Variants in SSPN observed in about 807,000 individuals in gnomAD.
SSPN encodes K-ras oncogene-associated protein.
Under a neutral mutation model 19.1 loss-of-function variants are expected in SSPN, and 15 were observed. The ratio of observed to expected loss-of-function variants is 0.78; its 90% CI spans 0.52 to 1.21. The LOEUF is 1.21. SSPN is among the 50% of genes most tolerant of loss of function. The probability of loss-of-function intolerance (pLI) is 0.00; values close to 1 mark genes in which losing one functional copy is unlikely to be tolerated. For missense variants in SSPN, 291 were observed against 314.0 expected, an observed-to-expected ratio of 0.93 and a Z score of 0.55; for synonymous variants, 147 against 140.3, an observed-to-expected ratio of 1.05 and a Z score of -0.34.
At chr12:26,189,406 C>T (rs16930287) in intron 1 of SSPN, among the ~76,000 whole-genome samples, 36,273 of 152,008 alleles carry the variant, frequency 0.24, 5,325 homozygotes, top group African/African-American at 0.42. Flanking sequence ...AGCTGTCTTT[C>T]TCCCACCCTG....
At chr12:26,146,190 C>T (rs1944489214) in intron 1 of SSPN, among the ~76,000 whole-genome samples, 1 of 152,158 alleles carries the variant, frequency 6.6e-6, no homozygotes, top group Non-Finnish European at 1.5e-5. Flanking sequence ...TCACCTTCTC[C>T]AAGTCAGACC....
intron 1 of SSPN, among the ~76,000 whole-genome samples, chr12:26,169,021 G>T (rs1944637836): frequency 8.9e-6 from 1 of 112,524 alleles, no homozygotes. Flanking sequence ...AAGATTATGG[G>T]CCTCATTTTG....
At chr12:26,201,355 G>A (rs1944883356) in intron 1 of SSPN, among the ~76,000 whole-genome samples, 1 of 150,906 alleles carries the variant, frequency 6.6e-6, no homozygotes, top group Non-Finnish European at 1.5e-5. Context: ...TCCAGCCTGG[G>A]CAACAGAGTG....
At chr12:26,138,770 C>A (rs1027317272) in intron 1 of SSPN, among the ~76,000 whole-genome samples, 6 of 151,590 alleles carry the variant, frequency 4.0e-5, no homozygotes, top group Non-Finnish European at 8.8e-5. Flanking sequence ...GCTTATGGTG[C>A]TCAGAATCCG....
At chr12:26,220,247 C>CAAAAAAAAAAAAAAAAAAA (rs58022147) in intron 1 of SSPN, among the ~76,000 whole-genome samples, 1 of 114,480 alleles carries the variant, frequency 8.7e-6, no homozygotes, top group African/African-American at 3.7e-5. Context: ...AAGCTGTAGG[C>CAAAAAAAAAAAAAAAAAAA]AAAAAAAAAA....
intron 1 of SSPN, chr12:26,135,055 A>C (rs557442239): frequency 6.6e-6 from 1 of 152,368 alleles, no homozygotes; most frequent in East Asian, 1.9e-4. Flanking sequence ...TCACTTGCAG[A>C]ACTTTTACTT....
intron 1 of SSPN, among the ~76,000 whole-genome samples, chr12:26,212,012 A>C (rs1243699879): frequency 2.0e-5 from 3 of 152,208 alleles, no homozygotes; most frequent in Admixed American, 2.0e-4. Context: ...TGGTGAATCC[A>C]TTCTCATTTC....
chr12:26,123,215 A>G (rs1388616577), intron 1 of SSPN: 1 of 1,528,848 alleles, frequency 6.5e-7, no homozygotes, highest in Non-Finnish European at 8.8e-7. Flanking sequence ...AGTGGAGGCA[A>G]GAAGAAACAT....
intron 1 of SSPN, among the ~76,000 whole-genome samples, chr12:26,158,688 GC>G (rs1944570098): frequency 6.6e-6 from 1 of 152,250 alleles, no homozygotes; most frequent in Non-Finnish European, 1.5e-5. Flanking sequence ...CAGCTGAGGT[GC>G]CTCAGGGCAG....
intron 1 of SSPN, chr12:26,124,130 C>T: frequency 6.2e-7 from 1 of 1,612,970 alleles, no homozygotes; most frequent in Non-Finnish European, 8.5e-7. Flanking sequence ...TTCATTAATT[C>T]GGTCTCTTCT....
chr12:26,122,896 C>T, intron 1 of SSPN: 1 of 1,550,208 alleles, frequency 6.5e-7, no homozygotes, highest in Non-Finnish European at 8.7e-7. Context: ...TTCTGCCCCG[C>T]GCGCTCCAGG....
At chr12:26,194,454 C>T (rs1249954562), upstream of SSPN, among the ~76,000 whole-genome samples, 1 of 152,194 alleles carries the variant, frequency 6.6e-6, no homozygotes, top group Non-Finnish European at 1.5e-5. Context: ...GCCATGATCA[C>T]GGCTCACTAC....
At chr12:26,197,716 C>G (rs538405481) in intron 1 of SSPN, among the ~76,000 whole-genome samples, 1 of 152,254 alleles carries the variant, frequency 6.6e-6, no homozygotes, top group East Asian at 1.9e-4. Context: ...CTGGAAGCTC[C>G]CTGGGTGTTG....
At chr12:26,207,707 C>CAACA (rs34919829) in intron 1 of SSPN, among the ~76,000 whole-genome samples, 22,727 of 152,078 alleles carry the variant, frequency 0.15, 1,920 homozygotes, top group South Asian at 0.34. Context: ...TAGGAATATA[C>CAACA]AACATTGGCC....
chr12:26,204,527 G>GATGCAAAGA (rs67179511), intron 1 of SSPN, among the ~76,000 whole-genome samples: 94,359 of 151,752 alleles, frequency 0.62, 29,710 homozygotes, highest in Admixed American at 0.71. Context: ...TGATGCAAAG[G>GATGCAAAGA]TGGCTGGCTG....
chr12:26,125,124 G>T, intron 1 of SSPN: 4 of 420,956 alleles, frequency 9.5e-6, no homozygotes, highest in South Asian at 9.2e-5. Flanking sequence ...GAGGGGGGCG[G>T]GGGAGGAGGG....
chr12:26,182,766 C>CTT lies in SSPN; in HGVS notation c.-30-41512_-30-41511dup, dbSNP rs68001290. Among the ~76,000 whole-genome samples the CTT allele has an allele frequency of 4.5e-3, 592 of 131,562 alleles. 2 individuals are homozygous for CTT. Among genetic ancestry groups the CTT allele is most frequent in the African/African-American group, 0.015 (530 of 36,318 alleles). The allele number at this position is 131,562 out of a possible 152,430, so 86.3% of individuals were successfully genotyped here. ...ATGTGGAGTCTTTTAAAAGTACATACTTTTTTTTTTTTTTTTGAGATGGAT... is the reference window on the plus strand; with the variant it reads ...ATGTGGAGTCTTTTAAAAGTACATACTTTTTTTTTTTTTTTTTTGAGATGGAT... On this transcript the variant is annotated intron_variant, in intron 1 of 2. Transcript: ENST00000538142.
chr12:26,152,859 C>A (rs1944533625), intron 1 of SSPN, among the ~76,000 whole-genome samples: 1 of 152,236 alleles, frequency 6.6e-6, no homozygotes, highest in Non-Finnish European at 1.5e-5. Context: ...TATCTGGCTG[C>A]AGCCTCCCTT....
At chr12:26,168,377 CG>C (rs1262290874) in intron 1 of SSPN, among the ~76,000 whole-genome samples, 2 of 152,226 alleles carry the variant, frequency 1.3e-5, no homozygotes, top group East Asian at 1.9e-4. Flanking sequence ...AATGATCAAA[CG>C]GGCAATCCAC....
Sources: allele counts gnomAD v4.1 joint callset (sites outside exome capture counted in the v4.1 genomes callset), GRCh38; gene constraint gnomAD v4.1.1; transcripts MANE v1.5; gene names NCBI Gene and HGNC (gene_info 2026-07-23, HGNC 2026-07-21).